The following OLR1 variants were observed in gnomAD, a reference collection of about 807,000 sequenced individuals.
The protein encoded by OLR1 is oxidized low-density lipoprotein receptor 1.
In OLR1, 23 loss-of-function variants were observed where a neutral mutation model predicts 31.7. That is an observed-to-expected ratio of 0.72 (90% CI 0.52 to 1.03). The LOEUF is 1.03. Among genes scored for constraint, OLR1 ranks in the 50% least tolerant of loss-of-function variants. The probability of loss-of-function intolerance (pLI) is 0.00; values close to 1 mark genes in which losing one functional copy is unlikely to be tolerated. For synonymous variants in OLR1, 117 were observed against 115.8 expected (o/e 1.01, Z -0.07); for missense variants, 286 against 315.7 (o/e 0.91, Z 0.71).
At position 10,172,043 on chromosome 12, in the gene OLR1, T is replaced by A; in HGVS notation, c.35A>T (p.Lys12Met). 6.2e-7 allele frequency: 1 copy of A among 1,613,948 alleles called. No homozygotes were observed. Among genetic ancestry groups the A allele is most frequent in the Non-Finnish European group, 8.5e-7 (1 of 1,179,886 alleles). The change falls in exon 1 of 6, where the codon AAG becomes ATG. Residue 12 changes from lysine to methionine, a missense_variant. By Grantham distance (95) the Lys-to-Met change is moderately conservative. Transcript: ENST00000309539. ...TFDDLKIQTV[K>M]DQPDEKSNGK... ...ATTTGACTTCTCATCAGGCTGGTCC[T>A]TCACAGTCTGGATCTTTAGGTCATC...
At chr12:10,175,860 G>T (rs1429944648), upstream of OLR1, among the ~76,000 whole-genome samples, 1 of 152,214 alleles carries the variant, frequency 6.6e-6, no homozygotes, top group South Asian at 2.1e-4. Flanking sequence ...GAAATCCATA[G>T]TTGGCCACCT....
At position 10,166,864 on chromosome 12, in the gene OLR1, G is replaced by C; in HGVS notation, c.272C>G (p.Ala91Gly). 5 of 1,613,534 alleles carry C rather than the reference G, an allele frequency of 3.1e-6. No individual in the cohort carries two copies. The highest frequency in any genetic ancestry group is 4.2e-6 in the Non-Finnish European group (5 of 1,179,938). ...TTCTGACTCCTGTGAAGCTTCTTCT[G>C]CTTGTTGCCGGGCTGAGATCTGTCC... ...LEGQISARQQ[A>G]EEASQESENE... The change falls in exon 3 of 6, where the codon GCA (alanine) becomes GGA (glycine). Residue 91 changes from alanine (A) to glycine (G), a missense_variant. By Grantham distance (60) the Ala-to-Gly change is moderately conservative (BLOSUM62 0). Transcript: ENST00000309539.
At chr12:10,173,577 T>A (rs2137532731), upstream of OLR1, among the ~76,000 whole-genome samples, 1 of 151,236 alleles carries the variant, frequency 6.6e-6, no homozygotes, top group South Asian at 2.1e-4. Context: ...AGGTCAGGAG[T>A]TCGAGACCAG....
rs759534798 is a variant in OLR1, at chr12:10,159,887, GCT to G, written c.813_814del (p.Arg271SerfsTer22). 18 of 1,610,948 alleles carry G rather than the reference GCT, an allele frequency of 1.1e-5. No homozygotes were observed. The highest frequency in any genetic ancestry group is 1.4e-5 in the Non-Finnish European group (16 of 1,178,602). ...CTTCCAGAGCCTTCAAATTCACTGTGCTCTTAGGTTTGCCTTCTTCTGACATA... is the reference window on the plus strand; with the variant it reads ...CTTCCAGAGCCTTCAAATTCACTGTGCTTAGGTTTGCCTTCTTCTGACATA... On this transcript the variant is annotated frameshift_variant, in exon 6 of 6. Transcript: ENST00000309539. LOFTEE classifies it high-confidence loss of function.
chr12:10,163,583 C>CT (rs58760994), intron 3 of OLR1, among the ~76,000 whole-genome samples: 2 of 147,764 alleles, frequency 1.4e-5, no homozygotes, highest in Non-Finnish European at 1.5e-5. Flanking sequence ...AAAAACTTGG[C>CT]TTTTTTTTTT....
chr12:10,166,992 T>A lies in OLR1; in HGVS notation c.179-35A>T, dbSNP rs550600046. On this transcript the variant is annotated intron_variant, in intron 2 of 5. Coordinates refer to ENST00000309539, the MANE Select transcript of OLR1 (RefSeq NM_002543.4). ...AGTTGCATTAAGACTCTAGTTCTAA[T>A]CCAAATAAAAATCCCTCCAGGGACT... 3 of 1,572,618 alleles carry A rather than the reference T, an allele frequency of 1.9e-6. No individual in the cohort carries two copies. The African/African-American group carries it at 4.1e-5, about 22-fold the overall frequency.
chr12:10,164,166 C>T (rs1158851339), intron 3 of OLR1, among the ~76,000 whole-genome samples: 1 of 152,220 alleles, frequency 6.6e-6, no homozygotes, highest in Non-Finnish European at 1.5e-5. Flanking sequence ...AAATTCTCTT[C>T]TGGCCTTGCC....
intron 3 of OLR1, among the ~76,000 whole-genome samples, chr12:10,164,090 G>C (rs1948641871): frequency 6.6e-6 from 1 of 152,188 alleles, no homozygotes; most frequent in Admixed American, 6.5e-5. Flanking sequence ...TTCATCCAGG[G>C]CATCTCTGGG....
At chr12:10,175,837 C>T (rs1414244250), upstream of OLR1, among the ~76,000 whole-genome samples, 1 of 152,184 alleles carries the variant, frequency 6.6e-6, no homozygotes, top group Non-Finnish European at 1.5e-5. Flanking sequence ...TTTATTGAGG[C>T]ACAGAGAGGA....
intron 3 of OLR1, among the ~76,000 whole-genome samples, chr12:10,164,586 A>G (rs1948645615): frequency 6.6e-6 from 1 of 152,180 alleles, no homozygotes; most frequent in African/African-American, 2.4e-5. Context: ...AGCTAGAGAG[A>G]TCTCTGTTTA....
intron 2 of OLR1, chr12:10,167,206 G>A (rs35492478): frequency 0.037 from 13,102 of 354,376 alleles, 282 homozygotes; most frequent in African/African-American, 0.053. Flanking sequence ...GGCCAGGCAC[G>A]GTGGCTCAGG....
upstream of OLR1, among the ~76,000 whole-genome samples, chr12:10,173,550 G>C (rs573229186): frequency 3.9e-4 from 57 of 146,906 alleles, no homozygotes; most frequent in South Asian, 1.7e-3. Context: ...GAAGCTGAGG[G>C]GGGGGGTGGA....
chr12:10,175,236 A>G (rs1242201464), upstream of OLR1: 2 of 152,222 alleles, frequency 1.3e-5, no homozygotes, highest in African/African-American at 4.8e-5. Context: ...CTATTATGCT[A>G]AAGTCACTCT....
chr12:10,159,832 C>T lies in OLR1; in HGVS notation c.*48G>A, dbSNP rs374709504. The T allele has an allele frequency of 1.1e-5, 17 of 1,544,304 alleles. No homozygotes were observed. In the African/African-American group the frequency reaches 2.3e-4, roughly 21 times the overall value. On this transcript the variant is annotated 3_prime_UTR_variant, in exon 6 of 6. Transcript: ENST00000309539. ...AAGTGACAAAGAATAGCTTAAATTCCAGAATAAAACTCAAAGACTTTTTTC... is the reference window on the plus strand; with the variant it reads ...AAGTGACAAAGAATAGCTTAAATTCTAGAATAAAACTCAAAGACTTTTTTC...
At chr12:10,175,081 A>G (rs1012124060), upstream of OLR1, among the ~76,000 whole-genome samples, 2 of 152,146 alleles carry the variant, frequency 1.3e-5, no homozygotes, top group African/African-American at 4.8e-5. Flanking sequence ...AAAATTTTAG[A>G]GGGCTCTCAT....
chr12:10,166,684 G>T (rs778007048), intron 3 of OLR1, 28 bp downstream of exon 3: 1 of 1,612,200 alleles, frequency 6.2e-7, no homozygotes, highest in Non-Finnish European at 8.5e-7. Context: ...CTTCCACTAT[G>T]TCTCCTTACC....
At chr12:10,173,554 G>T (rs542090339), upstream of OLR1, among the ~76,000 whole-genome samples, 46 of 151,748 alleles carry the variant, frequency 3.0e-4, no homozygotes, top group South Asian at 8.3e-4. Flanking sequence ...CTGAGGGGGG[G>T]GGTGGATCAC....
intron 1 of OLR1, among the ~76,000 whole-genome samples, chr12:10,171,547 G>A (rs1255685557): frequency 6.6e-6 from 1 of 152,112 alleles, no homozygotes; most frequent in Non-Finnish European, 1.5e-5. Context: ...AGAAATTATC[G>A]TTATATACAC....
At chr12:10,169,480 C>G (rs1322175165) in intron 1 of OLR1, among the ~76,000 whole-genome samples, 1 of 152,158 alleles carries the variant, frequency 6.6e-6, no homozygotes, top group African/African-American at 2.4e-5. Flanking sequence ...GATTCTAAAG[C>G]TTATACTTTA....
Sources: allele counts gnomAD v4.1 joint callset (sites outside exome capture counted in the v4.1 genomes callset), GRCh38; gene constraint gnomAD v4.1.1; transcripts MANE v1.5; gene names NCBI Gene and HGNC (gene_info 2026-07-23, HGNC 2026-07-21).